Variants in LCORL observed in about 807,000 individuals in gnomAD.
The protein encoded by LCORL is ligand dependent nuclear receptor corepressor like.
LCORL carries 41 observed loss-of-function variants against 141.8 expected under a neutral mutation model. The ratio of observed to expected loss-of-function variants is 0.29; its 90% CI spans 0.23 to 0.38. LCORL has a LOEUF of 0.38. Ranked by LOEUF, LCORL falls within the 10% of genes least tolerant of loss-of-function variation. LCORL has a pLI of 1.00. For missense variants in LCORL, 1,759 were observed against 2,035.0 expected (o/e 0.86, Z 2.61); for synonymous variants, 618 against 694.1 (o/e 0.89, Z 1.72).
At chr4:17,852,451 G>A (rs1723860307) in intron 7 of LCORL, among the ~76,000 whole-genome samples, 5 of 152,018 alleles carry the variant, frequency 3.3e-5, no homozygotes, top group South Asian at 2.1e-4. Flanking sequence ...ACAATTTAAT[G>A]AGAGCCAATT....
intron 1 of LCORL, among the ~76,000 whole-genome samples, chr4:17,989,541 C>A (rs1183551742): frequency 6.6e-6 from 1 of 152,130 alleles, no homozygotes; most frequent in African/African-American, 2.4e-5. Flanking sequence ...ATTCTAGGTA[C>A]AGAGTCTGCA....
At chr4:17,908,720 A>AT (rs1399961039) in intron 5 of LCORL, among the ~76,000 whole-genome samples, 2 of 151,928 alleles carry the variant, frequency 1.3e-5, no homozygotes, top group African/African-American at 2.4e-5. Flanking sequence ...TAAATAATCT[A>AT]TTTTTTTCTC....
intron 6 of LCORL, chr4:17,881,488 T>C (rs1727569553): frequency 1.2e-6 from 1 of 867,258 alleles, no homozygotes; most frequent in Non-Finnish European, 1.4e-6. Flanking sequence ...TAATTTACTA[T>C]TTCTGACCAA....
At chr4:17,981,639 G>C (rs1718008284) in intron 1 of LCORL, among the ~76,000 whole-genome samples, 1 of 152,062 alleles carries the variant, frequency 6.6e-6, no homozygotes, top group Admixed American at 6.5e-5. Context: ...TCAGGAGGCT[G>C]AAGTGCGAGG....
chr4:17,850,598 G>C (rs1390982400), intron 7 of LCORL, among the ~76,000 whole-genome samples: 1 of 152,184 alleles, frequency 6.6e-6, no homozygotes, highest in African/African-American at 2.4e-5. Flanking sequence ...ACACCAGTTA[G>C]AATGGCGATC....
chr4:17,876,928 C>A, exon 7 of LCORL: 2 of 1,230,688 alleles, frequency 1.6e-6, no homozygotes, highest in East Asian at 3.2e-5. Context: ...GATGTTTCAG[C>A]ATGATTTTTA....
chr4:17,945,339 C>T (rs1363322207), intron 4 of LCORL, among the ~76,000 whole-genome samples: 1 of 151,130 alleles, frequency 6.6e-6, no homozygotes, highest in East Asian at 1.9e-4. Flanking sequence ...CATGACACGA[C>T]AGAACTTCAA....
chr4:17,918,666 A>G (rs1219681211), intron 4 of LCORL, among the ~76,000 whole-genome samples: 1 of 152,242 alleles, frequency 6.6e-6, no homozygotes, highest in Non-Finnish European at 1.5e-5. Flanking sequence ...TCTAAGGACA[A>G]AGATGCAGAG....
chr4:17,885,985 A>C (rs1728217090), intron 6 of LCORL, 83 bp downstream of exon 6: 1 of 689,386 alleles, frequency 1.5e-6, no homozygotes, highest in Admixed American at 2.8e-5. Context: ...ATATACGTCA[A>C]TACTACTCAG....
At chr4:17,905,533 ATTTC>A (rs964791572) in intron 5 of LCORL, among the ~76,000 whole-genome samples, 2 of 151,882 alleles carry the variant, frequency 1.3e-5, no homozygotes, top group African/African-American at 4.8e-5. Flanking sequence ...TTATACCAAC[ATTTC>A]TTTTTTTTTC....
At chr4:17,943,147 C>T (rs1265505164) in intron 4 of LCORL, among the ~76,000 whole-genome samples, 1 of 152,150 alleles carries the variant, frequency 6.6e-6, no homozygotes, top group Admixed American at 6.5e-5. Context: ...AGTTTCAACA[C>T]CCCTGAGATG....
At chr4:17,945,925 T>A (rs544320254) in intron 4 of LCORL, among the ~76,000 whole-genome samples, 1 of 151,856 alleles carries the variant, frequency 6.6e-6, no homozygotes, top group African/African-American at 2.4e-5. Context: ...TTAAATACCA[T>A]GAAGAACTTA....
In LCORL at chr4:17,876,994, CTT is replaced by C; in HGVS notation, c.1994_1995del (p.Lys665ArgfsTer6). 8.1e-7 allele frequency: 1 copy of C among 1,230,612 alleles called. No homozygotes were observed. The allele number at this position is 1,230,612 out of a possible 1,614,324, so 76.2% of individuals were successfully genotyped here. On this transcript the variant is annotated frameshift_variant, in exon 7 of 8. Coordinates refer to ENST00000635767, the Ensembl canonical transcript of LCORL. LOFTEE classifies it high-confidence loss of function. ...GGCCCTTGGTCATGATAGAATTCTC[CTT>C]TGTCTGATGAAGATATCTCATTGTT...
At chr4:17,866,212 C>A (rs555914147) in intron 7 of LCORL, among the ~76,000 whole-genome samples, 23 of 152,288 alleles carry the variant, frequency 1.5e-4, no homozygotes, top group African/African-American at 5.5e-4. Flanking sequence ...ACTGGTTCTC[C>A]ACCACTTGGC....
At chr4:17,922,360 T>C (rs899628867) in intron 4 of LCORL, among the ~76,000 whole-genome samples, 2 of 152,186 alleles carry the variant, frequency 1.3e-5, no homozygotes, top group Non-Finnish European at 2.9e-5. Context: ...TTTAAAGAGT[T>C]AGGTAAAATA....
At chr4:17,932,183 T>C (rs1314786789) in intron 4 of LCORL, among the ~76,000 whole-genome samples, 3 of 152,180 alleles carry the variant, frequency 2.0e-5, no homozygotes, top group South Asian at 2.1e-4. Flanking sequence ...TGTCAATATA[T>C]ACACCTCAAA....
chr4:17,891,810 A>T (rs1444100472), intron 5 of LCORL, among the ~76,000 whole-genome samples: 1 of 152,238 alleles, frequency 6.6e-6, no homozygotes, highest in Non-Finnish European at 1.5e-5. Flanking sequence ...AAGTAAATAT[A>T]CAAAAATGGG....
chr4:17,873,752 A>T, exon 7 of LCORL: 1 of 1,234,028 alleles, frequency 8.1e-7, no homozygotes, highest in South Asian at 4.1e-5. Context: ...AAATGATTGT[A>T]TTTAGCTTAA....
chr4:17,908,740 CA>C (rs1262318095), intron 5 of LCORL, among the ~76,000 whole-genome samples: 2 of 151,296 alleles, frequency 1.3e-5, no homozygotes, highest in Non-Finnish European at 3.0e-5. Flanking sequence ...CACTTAAATA[CA>C]AAAAAAACGA....
Sources: gnomAD v4.1 joint callset for allele counts (sites outside exome capture counted in the v4.1 genomes callset) on GRCh38, gnomAD v4.1.1 for gene constraint, MANE v1.5 for transcripts, NCBI Gene and HGNC (gene_info 2026-07-23, HGNC 2026-07-21) for gene names.